BAIAP2L2: variants seen among roughly 807,000 people sequenced by gnomAD.
BAIAP2L2 encodes BAR/IMD domain-containing adapter protein 2-like 2.
Under a neutral mutation model 60.4 loss-of-function variants are expected in BAIAP2L2, and 65 were observed. That is an observed-to-expected ratio of 1.08 (90% CI 0.88 to 1.32). The LOEUF (loss-of-function observed/expected upper bound fraction) is 1.32, where lower values mean the gene tolerates loss of function less well. Ranked by LOEUF, BAIAP2L2 falls within the 40% of genes most tolerant of loss-of-function variation. The pLI is 0.00. For missense variants in BAIAP2L2, 836 were observed against 741.2 expected, an observed-to-expected ratio of 1.13 and a Z score of -1.48; for synonymous variants, 344 against 301.7, an observed-to-expected ratio of 1.14 and a Z score of -1.45.
intron 4 of BAIAP2L2, among the ~76,000 whole-genome samples, chr22:38,101,436 A>T (rs2086566073): frequency 7.0e-6 from 1 of 143,484 alleles, no homozygotes; most frequent in African/African-American, 2.6e-5. Context: ...GGTCCTAGCT[A>T]CTTGGGAGGC....
In BAIAP2L2 at chr22:38,107,894, C is replaced by T; in HGVS notation, c.234G>A (p.Met78Ile). The change falls in exon 4 of 14, where the codon ATG becomes ATA. Residue 78 changes from methionine (M) to isoleucine (I), a missense_variant. Physicochemically the swap from Met to Ile is conservative, Grantham distance 10. Coordinates refer to ENST00000381669, the MANE Select transcript of BAIAP2L2 (RefSeq NM_025045.6). ...AGTTCAAGTGCCGCTGGGTGTCAGA[C>T]ATCTGCACCAAGATCTCCCCTGGAG... The part of the protein sequence containing the change: ...SQILGEILVQ[M>I]SDTQRHLNSD... 2 of 1,613,512 alleles carry T rather than the reference C, an allele frequency of 1.2e-6. No homozygotes were observed. The highest frequency in any genetic ancestry group is 1.3e-5 in the African/African-American group (1 of 75,028).
rs1569214369 is a variant in BAIAP2L2 at position 38,086,329 on chromosome 22, T to A, written c.1380A>T (p.Pro460=). The change falls in exon 12 of 14, where the codon CCA becomes CCT. Residue 460 remains proline, a synonymous_variant. Coordinates refer to ENST00000381669, the MANE Select transcript of BAIAP2L2 (RefSeq NM_025045.6). ...QSRSRTPSRV[P]SRAPSPAPPP... is the part of the protein sequence containing the mutation. ...GAGGTGCAGGGCTGGGGGCACGGCT[T>A]GGCACCCGGCTTGGGGTGCGGGAGC... 1 of 1,573,314 alleles carries A rather than the reference T, an allele frequency of 6.4e-7. No homozygotes were observed. Among genetic ancestry groups the A allele is most frequent in the Admixed American group, 1.8e-5 (1 of 56,718 alleles).
intron 4 of BAIAP2L2, among the ~76,000 whole-genome samples, chr22:38,100,881 C>G (rs557689505): frequency 6.6e-6 from 1 of 152,328 alleles, no homozygotes; most frequent in Non-Finnish European, 1.5e-5. Context: ...ATACAGGGCA[C>G]AGTTCCACTC....
At chr22:38,087,697 C>T (rs1260501111) in intron 10 of BAIAP2L2, among the ~76,000 whole-genome samples, 2 of 152,096 alleles carry the variant, frequency 1.3e-5, no homozygotes, top group Non-Finnish European at 2.9e-5. Context: ...ACCCGCCCAG[C>T]TATGGACCTT....
At chr22:38,107,957 GC>G (rs1458763155) in intron 3 of BAIAP2L2, 44 bp from the exon 4 acceptor site, 1 of 1,576,348 alleles carries the variant, frequency 6.3e-7, no homozygotes, top group Non-Finnish European at 8.7e-7. Flanking sequence ...GTGGCAGCCT[GC>G]CCCGCCCACC....
intron 5 of BAIAP2L2, 71 bp from the exon 6 acceptor site, chr22:38,098,250 T>C: frequency 6.5e-7 from 1 of 1,546,234 alleles, no homozygotes; most frequent in Non-Finnish European, 8.9e-7. Context: ...CTCCCAGAGA[T>C]CAGGGCCCTG....
In BAIAP2L2 at chr22:38,109,183, G is replaced by T; in HGVS notation, c.77C>A (p.Ala26Asp). 6.2e-7 allele frequency: 1 copy of T among 1,613,084 alleles called. No homozygotes were observed. The highest frequency in any genetic ancestry group is 8.5e-7 in the Non-Finnish European group (1 of 1,179,544). ...GCCCAGGTACACCAGGTTCTCCAGG[G>T]CGGGGTTAAACTGCTCCATGATGCT... The part of the protein sequence containing the change: ...YKSIMEQFNP[A>D]LENLVYLGNN... Residue 26 changes from alanine (A) to aspartate (D), a missense_variant, in exon 2 of 14, where the codon GCC (alanine) becomes GAC (aspartate). Physicochemically the swap from Ala to Asp is moderately radical, Grantham distance 126 (BLOSUM62 -2). Transcript: ENST00000381669.
In BAIAP2L2 at chr22:38,089,684, C is replaced by T. The variant is rs909067368; in HGVS notation, c.613-10G>A. On this transcript the variant is annotated splice_polypyrimidine_tract_variant and intron_variant, in intron 7 of 13. Coordinates refer to ENST00000381669, the MANE Select transcript of BAIAP2L2 (RefSeq NM_025045.6). ...GGAGCATCCCCCGGGCCTGGCCGGG[C>T]GGGGACACGGGGGTCAGCCAGGTCC... The T allele has an allele frequency of 2.4e-6, 3 of 1,229,696 alleles. No individual in the cohort carries two copies. The highest frequency in any genetic ancestry group is 2.0e-6 in the Non-Finnish European group (2 of 986,626). The allele number at this position is 1,229,696 out of a possible 1,614,324, so 76.2% of individuals were successfully genotyped here. A position where few individuals can be genotyped will look rare whatever the true frequency, so the allele number is the denominator to read the frequency against.
chr22:38,093,204 C>T (rs573832675), intron 7 of BAIAP2L2, among the ~76,000 whole-genome samples: 5 of 151,582 alleles, frequency 3.3e-5, no homozygotes, highest in South Asian at 2.1e-4. Context: ...GGCACCCCAC[C>T]GGCTCCCTCT....
chr22:38,088,855 C>A lies in BAIAP2L2; in HGVS notation c.1011G>T (p.Glu337Asp). ...AGCGCAGCAGCGTGTGGTTGGCGCC[C>A]TCCGAGTGGGAGACCAGGGCGCGGA... The part of the protein sequence containing the change: ...RRVRALVSHS[E>D]GANHTLLRFS... Residue 337 changes from glutamate to aspartate, a missense_variant, in exon 10 of 14, where the codon GAG (glutamate) becomes GAT (aspartate). By Grantham distance (45) the Glu-to-Asp change is conservative. Coordinates refer to ENST00000381669, the MANE Select transcript of BAIAP2L2 (RefSeq NM_025045.6). 6.3e-7 allele frequency: 1 copy of A among 1,596,778 alleles called. No individual in the cohort carries two copies.
intron 12 of BAIAP2L2, among the ~76,000 whole-genome samples, chr22:38,086,017 C>G (rs905707789): frequency 6.6e-6 from 1 of 152,226 alleles, no homozygotes; most frequent in African/African-American, 2.4e-5. Flanking sequence ...CTCCCCCAGC[C>G]CCGTCCTACT....
intron 1 of BAIAP2L2, among the ~76,000 whole-genome samples, chr22:38,109,815 C>A (rs2086763351): frequency 6.6e-6 from 1 of 151,968 alleles, no homozygotes; most frequent in Non-Finnish European, 1.5e-5. Flanking sequence ...AGCACCTCTT[C>A]CTCCCTCCGT....
intron 7 of BAIAP2L2, among the ~76,000 whole-genome samples, chr22:38,095,510 G>A (rs2086407596): frequency 6.6e-6 from 1 of 152,082 alleles, no homozygotes; most frequent in South Asian, 2.1e-4. Flanking sequence ...GATTACAAGT[G>A]CCTGCCACCA....
intron 7 of BAIAP2L2, among the ~76,000 whole-genome samples, chr22:38,093,272 G>A (rs1352866723): frequency 6.6e-6 from 1 of 152,246 alleles, no homozygotes; most frequent in Admixed American, 6.5e-5. Context: ...AGCTTCTAGA[G>A]GCTTCGCCAG....
Position 38,087,193 on chromosome 22 carries a change from G to A in BAIAP2L2, c.1190C>T (p.Thr397Ile). 6.2e-7 allele frequency: 1 copy of A among 1,600,856 alleles called. No individual in the cohort carries two copies. Among genetic ancestry groups the A allele is most frequent in the Non-Finnish European group, 8.5e-7 (1 of 1,175,366 alleles). ...CATGGAGGTCATGGAGGTCATGGGG[G>A]TCACGGGGGTCATGGGATTCACGGG... ...EGPVNPMTPVTPMTSMTSMSP... is the reference protein window; with the variant it reads ...EGPVNPMTPVIPMTSMTSMSP... Residue 397 changes from threonine to isoleucine, a missense_variant, in exon 11 of 14, where the codon ACC becomes ATC. Physicochemically the swap from Thr to Ile is moderately conservative, Grantham distance 89. Transcript: ENST00000381669.
intron 6 of BAIAP2L2, 33 bp downstream of exon 6, chr22:38,098,030 T>A: frequency 9.9e-5 from 84 of 848,942 alleles, no homozygotes; most frequent in Non-Finnish European, 1.4e-4. Context: ...CACCCGCCCT[T>A]CCTGGCCCAC....
Position 38,088,923 on chromosome 22 carries a change from A to T in BAIAP2L2, c.943T>A (p.Ser315Thr), listed in dbSNP as rs2145943291. Residue 315 changes from serine (S) to threonine (T), a missense_variant, in exon 10 of 14, where the codon TCC becomes ACC. Ser to Thr is a moderately conservative substitution (Grantham distance 58). Coordinates refer to ENST00000381669, the MANE Select transcript of BAIAP2L2 (RefSeq NM_025045.6). ...SGSAQSSRSN[S>T]FGERPGGGGG... ...CCGCCGCCCGGGCGCTCGCCAAAGG[A>T]GTTGGAGCGCGAGCTTTGGGCGCTG... The T allele has an allele frequency of 6.5e-7, 1 of 1,547,492 alleles. No homozygotes were observed. Among genetic ancestry groups the T allele is most frequent in the Admixed American group, 1.9e-5 (1 of 52,004 alleles).
intron 7 of BAIAP2L2, among the ~76,000 whole-genome samples, chr22:38,096,462 C>T (rs773414634): frequency 6.6e-6 from 1 of 152,170 alleles, no homozygotes; most frequent in Non-Finnish European, 1.5e-5. Context: ...TGAGATCAGC[C>T]TGGCCAACAT....
chr22:38,085,639 G>C (rs374033930), intron 13 of BAIAP2L2, 47 bp downstream of exon 13: 1 of 1,593,376 alleles, frequency 6.3e-7, no homozygotes, highest in Non-Finnish European at 8.6e-7. Flanking sequence ...GTGTGCCGCC[G>C]CACCTGCCAC....
Sources: gnomAD v4.1 joint callset for allele counts (sites outside exome capture counted in the v4.1 genomes callset) on GRCh38, gnomAD v4.1.1 for gene constraint, MANE v1.5 for transcripts, NCBI Gene and HGNC (gene_info 2026-07-23, HGNC 2026-07-21) for gene names.